Variants in EXOC4 observed in about 807,000 individuals in gnomAD.
EXOC4 encodes the protein exocyst complex component 4.
EXOC4 carries 71 observed loss-of-function variants against 107.2 expected under a neutral mutation model. The ratio of observed to expected loss-of-function variants is 0.66; its 90% CI spans 0.55 to 0.81. The LOEUF is 0.81. Ranked by LOEUF, EXOC4 falls within the 30% of genes least tolerant of loss-of-function variation. EXOC4 has a pLI of 0.00. For missense variants in EXOC4, 1,108 were observed against 1,189.6 expected, an observed-to-expected ratio of 0.93 and a Z score of 1.01; for synonymous variants, 456 against 441.2, an observed-to-expected ratio of 1.03 and a Z score of -0.42.
chr7:133,975,789 A>G (rs1475417157), intron 14 of EXOC4, among the ~76,000 whole-genome samples: 2 of 152,106 alleles, frequency 1.3e-5, no homozygotes, highest in African/African-American at 4.8e-5. Flanking sequence ...CTTTCACCAT[A>G]ACCCAAGAAG....
chr7:133,543,304 A>G (rs556691884), intron 9 of EXOC4, among the ~76,000 whole-genome samples: 4 of 152,266 alleles, frequency 2.6e-5, no homozygotes, highest in Non-Finnish European at 4.4e-5. Flanking sequence ...AGCTAATTCA[A>G]GCATCGATGA....
intron 5 of EXOC4, among the ~76,000 whole-genome samples, chr7:133,349,234 C>T (rs1382110075): frequency 1.3e-5 from 2 of 151,882 alleles, no homozygotes. Flanking sequence ...TAGTGTTGTG[C>T]AACCATCACC....
intron 11 of EXOC4, among the ~76,000 whole-genome samples, chr7:133,842,879 C>T (rs566724437): frequency 1.3e-5 from 2 of 152,158 alleles, no homozygotes; most frequent in African/African-American, 2.4e-5. Context: ...TATCCCAGCA[C>T]CATTTATCGA....
chr7:133,963,701 C>T (rs543700412), intron 14 of EXOC4, among the ~76,000 whole-genome samples: 1 of 152,330 alleles, frequency 6.6e-6, no homozygotes, highest in South Asian at 2.1e-4. Flanking sequence ...GAAATTGGCA[C>T]TGAGTAAGAA....
At chr7:134,015,185 A>G (rs1185609937) in intron 17 of EXOC4, among the ~76,000 whole-genome samples, 1 of 152,150 alleles carries the variant, frequency 6.6e-6, no homozygotes, top group Non-Finnish European at 1.5e-5. Context: ...TCTCTCCTGC[A>G]CTTTCAAAAC....
At chr7:133,946,031 G>A (rs543774419) in intron 14 of EXOC4, among the ~76,000 whole-genome samples, 29 of 152,144 alleles carry the variant, frequency 1.9e-4, no homozygotes, top group Non-Finnish European at 3.4e-4. Flanking sequence ...TCTATGCGTG[G>A]TAATTCCTCT....
chr7:133,882,114 G>A (rs1477184173), intron 11 of EXOC4, among the ~76,000 whole-genome samples: 1 of 152,102 alleles, frequency 6.6e-6, no homozygotes, highest in African/African-American at 2.4e-5. Context: ...ATATCTTTCT[G>A]TGACTGGCTA....
chr7:133,769,241 G>T (rs139360401), intron 10 of EXOC4, among the ~76,000 whole-genome samples: 2 of 151,804 alleles, frequency 1.3e-5, no homozygotes, highest in African/African-American at 4.8e-5. Flanking sequence ...ACTTGTATCC[G>T]GAACTTAAAG....
At chr7:133,704,415 T>C (rs1257846457) in intron 10 of EXOC4, among the ~76,000 whole-genome samples, 1 of 152,270 alleles carries the variant, frequency 6.6e-6, no homozygotes, top group Admixed American at 6.5e-5. Context: ...CTTACACTGC[T>C]ATTCAGTTTC....
chr7:133,586,835 TTTG>T (rs1302716106), intron 9 of EXOC4, among the ~76,000 whole-genome samples: 2 of 152,192 alleles, frequency 1.3e-5, no homozygotes, highest in East Asian at 3.9e-4. Context: ...TCCCATTTTT[TTTG>T]TTTGTTTTTT....
At chr7:133,483,351 T>C (rs1019513911) in intron 9 of EXOC4, among the ~76,000 whole-genome samples, 10 of 152,202 alleles carry the variant, frequency 6.6e-5, no homozygotes, top group Non-Finnish European at 1.2e-4. Flanking sequence ...TCTGCAGTTA[T>C]AAGCTTTATT....
At position 134,013,404 on chromosome 7, in the gene EXOC4, T is replaced by C. The variant is rs535099237; in HGVS notation, c.2687+5569T>C. Among the ~76,000 whole-genome samples the C allele has an allele frequency of 3.3e-5, 5 of 152,238 alleles. No individual in the cohort carries two copies. In the South Asian group the frequency reaches 8.3e-4, roughly 25 times the overall value. Reference sequence around the variant, plus strand: ...AAAGCCATCAAAAACAAGGAAAGTCTGAAAAACTATCACAGCCAACAGGAG... The same window carrying C: ...AAAGCCATCAAAAACAAGGAAAGTCCGAAAAACTATCACAGCCAACAGGAG... On this transcript the variant is annotated intron_variant, in intron 17 of 17. Coordinates refer to ENST00000253861, the MANE Select transcript of EXOC4 (RefSeq NM_021807.4).
chr7:133,951,598 T>A (rs1486722775), intron 14 of EXOC4, among the ~76,000 whole-genome samples: 1 of 152,234 alleles, frequency 6.6e-6, no homozygotes, highest in Non-Finnish European at 1.5e-5. Flanking sequence ...CTGTCCTTCC[T>A]GTTGATAGCT....
At chr7:133,847,439 C>T (rs1323970115) in intron 11 of EXOC4, among the ~76,000 whole-genome samples, 2 of 149,378 alleles carry the variant, frequency 1.3e-5, no homozygotes, top group Non-Finnish European at 3.0e-5. Context: ...AGTGCAGTGG[C>T]GCGGTCTCTG....
At chr7:133,290,380 TG>T (rs1418303887) in intron 3 of EXOC4, among the ~76,000 whole-genome samples, 1 of 152,204 alleles carries the variant, frequency 6.6e-6, no homozygotes, top group Non-Finnish European at 1.5e-5. Context: ...TTATTCAAAG[TG>T]GCAGCTTCTT....
intron 10 of EXOC4, among the ~76,000 whole-genome samples, chr7:133,770,409 G>A (rs1015969390): frequency 5.3e-5 from 8 of 151,894 alleles, no homozygotes; most frequent in South Asian, 2.1e-4. Context: ...TTCTGTGATC[G>A]TTAAAAAAGA....
chr7:133,344,730 C>T (rs950590008), intron 5 of EXOC4, among the ~76,000 whole-genome samples: 1 of 152,124 alleles, frequency 6.6e-6, no homozygotes, highest in African/African-American at 2.4e-5. Context: ...TGTCTAGATA[C>T]CTTTTTAGTA....
intron 9 of EXOC4, among the ~76,000 whole-genome samples, chr7:133,619,259 C>T (rs1037245377): frequency 1.2e-4 from 18 of 152,140 alleles, no homozygotes; most frequent in Non-Finnish European, 2.5e-4. Context: ...TCGATCTCTC[C>T]GGCTTCTCTT....
At chr7:133,600,382 A>C (rs1801778770) in intron 9 of EXOC4, among the ~76,000 whole-genome samples, 1 of 152,204 alleles carries the variant, frequency 6.6e-6, no homozygotes, top group African/African-American at 2.4e-5. Flanking sequence ...GGAGAATATA[A>C]TTGCAAAGGC....
Sources: gnomAD v4.1 joint callset for allele counts (sites outside exome capture counted in the v4.1 genomes callset) on GRCh38, gnomAD v4.1.1 for gene constraint, MANE v1.5 for transcripts, NCBI Gene and HGNC (gene_info 2026-07-23, HGNC 2026-07-21) for gene names.